Variants in EPHB2 observed in about 807,000 individuals in gnomAD.
EPHB2 encodes EPH receptor B2.
EPHB2 carries 18 observed loss-of-function variants against 96.4 expected under a neutral mutation model. That is an observed-to-expected ratio of 0.19 (90% CI 0.13 to 0.28). The LOEUF is 0.28. Among genes scored for constraint, EPHB2 ranks in the 10% least tolerant of loss-of-function variants. EPHB2 has a pLI of 1.00. For synonymous variants in EPHB2, 506 were observed against 534.1 expected, an observed-to-expected ratio of 0.95 and a Z score of 0.72; for missense variants, 989 against 1,355.4, an observed-to-expected ratio of 0.73 and a Z score of 4.25.
chr1:22,712,067 A>G (rs1033800839), intron 1 of EPHB2, among the ~76,000 whole-genome samples: 1 of 152,312 alleles, frequency 6.6e-6, no homozygotes, highest in Non-Finnish European at 1.5e-5. Flanking sequence ...TTCGCACTAT[A>G]CGCAGCTCTC....
At chr1:22,742,659 A>G (rs1243771484) in intron 1 of EPHB2, among the ~76,000 whole-genome samples, 1 of 151,730 alleles carries the variant, frequency 6.6e-6, no homozygotes, top group African/African-American at 2.4e-5. Flanking sequence ...GGTATATGCC[A>G]CCATGCCCAG....
At chr1:22,799,570 T>A (rs991813165) in intron 3 of EPHB2, among the ~76,000 whole-genome samples, 2 of 152,240 alleles carry the variant, frequency 1.3e-5, no homozygotes, top group African/African-American at 4.8e-5. Flanking sequence ...CAGTAAATGT[T>A]TGCCCTGTTT....
At chr1:22,912,754 G>GTATCAGTCCACAGGT in intron 15 of EPHB2, 155 bp downstream of exon 15, 2 of 1,075,304 alleles carry the variant, frequency 1.9e-6, no homozygotes, top group Non-Finnish European at 2.8e-6. Context: ...AGTCACCTGT[G>GTATCAGTCCACAGGT]GACTGATACC....
intron 5 of EPHB2, among the ~76,000 whole-genome samples, chr1:22,868,051 G>A (rs945888810): frequency 6.6e-6 from 1 of 152,202 alleles, no homozygotes; most frequent in African/African-American, 2.4e-5. Context: ...AGCTCCTGGA[G>A]CCCTTTCCCT....
chr1:22,896,728 ACT>A (rs1557742897), intron 9 of EPHB2, among the ~76,000 whole-genome samples: 1 of 149,774 alleles, frequency 6.7e-6, no homozygotes. Context: ...CCATACACAC[ACT>A]CCTCCAAGCA....
At chr1:22,818,112 CT>C (rs1476574873) in intron 3 of EPHB2, among the ~76,000 whole-genome samples, 2 of 152,144 alleles carry the variant, frequency 1.3e-5, no homozygotes, top group Admixed American at 1.3e-4. Flanking sequence ...TAGTCTGTCG[CT>C]TCCCTTACTA....
chr1:22,871,644 A>G (rs1292558139), intron 5 of EPHB2, among the ~76,000 whole-genome samples: 1 of 152,222 alleles, frequency 6.6e-6, no homozygotes, highest in African/African-American at 2.4e-5. Context: ...TTAGTTCCCT[A>G]TTGCTGCCAG....
At chr1:22,899,947 T>C (rs948853955) in intron 9 of EPHB2, among the ~76,000 whole-genome samples, 1 of 151,950 alleles carries the variant, frequency 6.6e-6, no homozygotes, top group African/African-American at 2.4e-5. Context: ...TGAACCATGG[T>C]CTCACCACTG....
At chr1:22,825,937 G>A (rs985527925) in intron 3 of EPHB2, among the ~76,000 whole-genome samples, 1 of 152,352 alleles carries the variant, frequency 6.6e-6, no homozygotes, top group East Asian at 1.9e-4. Context: ...ATCTGAGTCA[G>A]ATCCCTTGTC....
At chr1:22,785,595 G>A (rs956858517) in intron 3 of EPHB2, among the ~76,000 whole-genome samples, 1 of 152,222 alleles carries the variant, frequency 6.6e-6, no homozygotes, top group Non-Finnish European at 1.5e-5. Context: ...GAGCCAAATG[G>A]ATGGAGCACC....
chr1:22,795,494 TTG>T (rs1644754828), intron 3 of EPHB2, among the ~76,000 whole-genome samples: 1 of 9,768 alleles, frequency 1.0e-4, no homozygotes, highest in Non-Finnish European at 4.3e-4. Flanking sequence ...TTGTTTTGTT[TTG>T]CCCCCATAGC....
chr1:22,903,522 C>A (rs1639814740), intron 9 of EPHB2, among the ~76,000 whole-genome samples: 1 of 152,248 alleles, frequency 6.6e-6, no homozygotes, highest in Admixed American at 6.5e-5. Context: ...GCCCCAGGCT[C>A]AAGTCTAACA....
At chr1:22,878,994 C>G (rs1638938548) in intron 5 of EPHB2, among the ~76,000 whole-genome samples, 1 of 152,222 alleles carries the variant, frequency 6.6e-6, no homozygotes, top group African/African-American at 2.4e-5. Context: ...CTCCACCCTT[C>G]ACACATCCCT....
At chr1:22,862,946 G>T in intron 3 of EPHB2, 91 bp from the exon 4 acceptor site, 1 of 1,547,260 alleles carries the variant, frequency 6.5e-7, no homozygotes, top group South Asian at 1.1e-5. Flanking sequence ...CCTCCGCGAG[G>T]CTGTGTGGCC....
chr1:22,773,813 G>A (rs982953489), intron 1 of EPHB2, among the ~76,000 whole-genome samples: 4 of 152,140 alleles, frequency 2.6e-5, no homozygotes, highest in Admixed American at 1.3e-4. Flanking sequence ...TACATGGGAC[G>A]GACACTCCAG....
chr1:22,784,930 C>T lies in EPHB2; in HGVS notation c.665C>T (p.Ala222Val). 1 of 1,613,882 alleles carries T rather than the reference C, an allele frequency of 6.2e-7. No individual in the cohort carries two copies. Among genetic ancestry groups the T allele is most frequent in the Non-Finnish European group, 8.5e-7 (1 of 1,180,044 alleles). The part of the protein sequence containing the change: ...SGAESTSLVA[A>V]RGSCIANAEE... ...GCTGAGAGCACATCGCTGGTGGCTGCCCGGGGCAGCTGCATCGCCAATGCG... is the reference window on the plus strand; with the variant it reads ...GCTGAGAGCACATCGCTGGTGGCTGTCCGGGGCAGCTGCATCGCCAATGCG... Residue 222 changes from alanine (A) to valine (V), a missense_variant, in exon 3 of 16, where the codon GCC (alanine) becomes GTC (valine). By Grantham distance (64) the Ala-to-Val change is moderately conservative. Transcript: ENST00000374630. This position sits in a 1 kb window ranked among gnomAD's most constrained non-coding sequence, Gnocchi z 5.1.
chr1:22,825,855 G>A (rs1645215283), intron 3 of EPHB2, among the ~76,000 whole-genome samples: 1 of 152,254 alleles, frequency 6.6e-6, no homozygotes, highest in African/African-American at 2.4e-5. Flanking sequence ...CATCTGCCAA[G>A]AGAGTTAGAC....
chr1:22,870,384 T>C (rs928540768), intron 5 of EPHB2, among the ~76,000 whole-genome samples: 1 of 152,060 alleles, frequency 6.6e-6, no homozygotes, highest in African/African-American at 2.4e-5. Flanking sequence ...TGCCACATAC[T>C]CAGGTGTACT....
At chr1:22,756,400 C>T (rs1377163600) in intron 1 of EPHB2, among the ~76,000 whole-genome samples, 1 of 152,098 alleles carries the variant, frequency 6.6e-6, no homozygotes, top group African/African-American at 2.4e-5. Context: ...GTCAGACTGA[C>T]CGCCAGGACC....
Sources: allele counts gnomAD v4.1 joint callset (sites outside exome capture counted in the v4.1 genomes callset), GRCh38; gene constraint gnomAD v4.1.1; non-coding constraint Gnocchi (gnomAD v3.1); transcripts MANE v1.5; gene names NCBI Gene and HGNC (gene_info 2026-07-23, HGNC 2026-07-21).